RFX1: variants seen among roughly 807,000 people sequenced by gnomAD.
RFX1 encodes MHC class II regulatory factor RFX1.
RFX1 carries 42 observed loss-of-function variants against 119.6 expected under a neutral mutation model. The ratio of observed to expected loss-of-function variants is 0.35; its 90% confidence interval spans 0.27 to 0.45. RFX1 has a LOEUF of 0.45. Among genes scored for constraint, RFX1 ranks in the 20% least tolerant of loss-of-function variants. The pLI, the probability that RFX1 is intolerant of heterozygous loss-of-function variation, is 1.00. For synonymous variants in RFX1, 628 were observed against 618.5 expected, an observed-to-expected ratio of 1.02 and a Z score of -0.23; for missense variants, 1,118 against 1,368.1, an observed-to-expected ratio of 0.82 and a Z score of 2.88.
chr19:13,969,958 C>T lies in RFX1; in HGVS notation c.1496+36G>A. 6.6e-7 allele frequency: 1 copy of T among 1,514,050 alleles called. No homozygotes were observed. Among genetic ancestry groups the T allele is most frequent in the Non-Finnish European group, 8.9e-7 (1 of 1,120,784 alleles). The allele number at this position is 1,514,050 out of a possible 1,614,324, so 93.8% of individuals were successfully genotyped here. On this transcript the variant is annotated intron_variant, in intron 10 of 20. Transcript: ENST00000254325. The surrounding 1 kb of genome is among the most constrained non-coding windows in gnomAD (Gnocchi z 4.5). The stretch of plus-strand genomic sequence containing the variant: ...GTGGGCCTTGGCATGCCCACCAATT[C>T]CCCAGGGACTGCTGGGAGTAGACGG...
At position 13,965,683 on chromosome 19, in the gene RFX1, C is replaced by A; in HGVS notation, c.2056G>T (p.Val686Leu). 1 of 1,613,918 alleles carries A rather than the reference C, an allele frequency of 6.2e-7. No individual in the cohort carries two copies. The highest frequency in any genetic ancestry group is 1.6e-4 in the Middle Eastern group (1 of 6,062). Reference protein sequence around the residue: ...VLQWTKHCDNVLYQGLVEILI... With the variant: ...VLQWTKHCDNLLYQGLVEILI... ...ATTTCCACCAGGCCCTGGTACAGCACGTTGTCACAGTGCTTGGTCCATTGG... is the reference window on the plus strand; with the variant it reads ...ATTTCCACCAGGCCCTGGTACAGCAAGTTGTCACAGTGCTTGGTCCATTGG... Residue 686 changes from valine to leucine, a missense_variant, in exon 15 of 21, where the codon GTG (valine) becomes TTG (leucine). Val to Leu is a conservative substitution (Grantham distance 32, BLOSUM62 1). Coordinates refer to ENST00000254325, the MANE Select transcript of RFX1 (RefSeq NM_002918.5). This position sits in a 1 kb window ranked among gnomAD's most constrained non-coding sequence, Gnocchi z 4.7.
chr19:13,997,307 C>T (rs900087900), intron 1 of RFX1, among the ~76,000 whole-genome samples: 1 of 152,182 alleles, frequency 6.6e-6, no homozygotes, highest in African/African-American at 2.4e-5. Context: ...GAGCCCTGGA[C>T]GGGGATGGAT....
At chr19:13,967,802 C>T (rs1973952930) in intron 12 of RFX1, among the ~76,000 whole-genome samples, 1 of 152,122 alleles carries the variant, frequency 6.6e-6, no homozygotes, top group African/African-American at 2.4e-5. Context: ...ACTGGGTACA[C>T]ACCTGCCTTC....
In RFX1 at chr19:13,983,551, C is replaced by T. The variant is rs374515469; in HGVS notation, c.364G>A (p.Gly122Ser). Residue 122 changes from glycine (G) to serine (S), a missense_variant, in exon 3 of 21, where the codon GGC becomes AGC. This residue lies in a region of RFX1 where 542 missense variants were observed against 602.7 expected (regional missense o/e 0.90). Coordinates refer to ENST00000254325, the MANE Select transcript of RFX1 (RefSeq NM_002918.5). Reference sequence around the variant, plus strand: ...ACGCCGGTCTGGCTGGCGGTGGAGCCGGGGCTGGCCTCCGACACTGTCTCG... The same window carrying T: ...ACGCCGGTCTGGCTGGCGGTGGAGCTGGGGCTGGCCTCCGACACTGTCTCG... ...ASETVSEASP[G>S]STASQTGVPT... 6.1e-5 allele frequency: 99 copies of T among 1,610,982 alleles called. No homozygotes were observed. Among genetic ancestry groups the T allele is most frequent in the Admixed American group, 4.8e-4 (29 of 59,888 alleles).
chr19:13,975,792 A>C (rs1723849943), intron 8 of RFX1, among the ~76,000 whole-genome samples: 1 of 152,228 alleles, frequency 6.6e-6, no homozygotes, highest in South Asian at 2.1e-4. Flanking sequence ...ATGGAGGCCC[A>C]GGGGCTGTGG....
rs867767139 is a variant in RFX1, at chr19:13,984,250, G to A, written c.320-655C>T. ...CGCCCCCCACCCCGTCCGCCTGTCC[G>A]TCCAGGGGGGCCTGCCTGGCCCTCT... On this transcript the variant is annotated intron_variant, in intron 2 of 20. Transcript: ENST00000254325. Among the ~76,000 whole-genome samples, 63 of 109,932 alleles carry A rather than the reference G, an allele frequency of 5.7e-4. 1 individual carries two copies. In the Middle Eastern group the frequency reaches 0.03, roughly 52 times the overall value. 72.1% of individuals were successfully genotyped at this position (109,932 alleles called of 152,430 possible).
rs1370842090 is a variant in RFX1, at chr19:13,965,446, C to A, written c.2211+3G>T. 7 of 1,613,270 alleles carry A rather than the reference C, an allele frequency of 4.3e-6. No individual in the cohort carries two copies. Among genetic ancestry groups the A allele is most frequent in the Non-Finnish European group, 4.2e-6 (5 of 1,179,398 alleles). On this transcript the variant is annotated splice_donor_region_variant and intron_variant, in intron 16 of 20. Transcript: ENST00000254325. This position sits in a 1 kb window ranked among gnomAD's most constrained non-coding sequence, Gnocchi z 4.7. ...GGAGAAAGGGACCCCCTCACACTCT[C>A]ACCTTCACCCGCAGCATCTCCTCGG...
rs1208526051 is a variant in RFX1 at position 13,990,254 on chromosome 19, G to A, written c.319+3271C>T. Reference sequence around the variant, plus strand: ...CAGGGAGATGGGGAGAAGCAGCAGAGAGGACCACGGAGGGGCTGCGGGCGG... The same window carrying A: ...CAGGGAGATGGGGAGAAGCAGCAGAAAGGACCACGGAGGGGCTGCGGGCGG... On this transcript the variant is annotated intron_variant, in intron 2 of 20. Coordinates refer to ENST00000254325, the MANE Select transcript of RFX1 (RefSeq NM_002918.5). The surrounding 1 kb of genome is among the most constrained non-coding windows in gnomAD (Gnocchi z 4.1). Among the ~76,000 whole-genome samples the A allele has an allele frequency of 6.6e-6, 1 of 152,148 alleles. No homozygotes were observed. Among genetic ancestry groups the A allele is most frequent in the Non-Finnish European group, 1.5e-5 (1 of 68,042 alleles).
rs1287465181 is a variant in RFX1 at position 13,972,882 on chromosome 19, C to G, written c.1175G>C (p.Gly392Ala). ...GGGSGGGGGG[G>A]GGGGGGGSGS... ...ACTGCCACCCCCGCCACCGCCTCCCCCGCCGCCGCCGCCACCACCACTGCC... is the reference window on the plus strand; with the variant it reads ...ACTGCCACCCCCGCCACCGCCTCCCGCGCCGCCGCCGCCACCACCACTGCC... Residue 392 changes from glycine (G) to alanine (A), a missense_variant, in exon 9 of 21, where the codon GGG (glycine) becomes GCG (alanine). This residue lies in a region of RFX1 where 542 missense variants were observed against 602.7 expected (regional missense o/e 0.90). Transcript: ENST00000254325. 6.4e-7 allele frequency: 1 copy of G among 1,552,408 alleles called. No individual in the cohort carries two copies. Among genetic ancestry groups the G allele is most frequent in the Admixed American group, 1.8e-5 (1 of 54,340 alleles).
chr19:13,962,609 G>C lies in RFX1; in HGVS notation c.*86C>G, dbSNP rs979135106. ...CCCCTCCCTGCCCTGGCTGAGGCTGGAGCAGTGACCACGAAGCCACAGAAG... is the reference window on the plus strand; with the variant it reads ...CCCCTCCCTGCCCTGGCTGAGGCTGCAGCAGTGACCACGAAGCCACAGAAG... On this transcript the variant is annotated 3_prime_UTR_variant, in exon 21 of 21. Transcript: ENST00000254325. The C allele has an allele frequency of 8.6e-7, 1 of 1,164,688 alleles. No homozygotes were observed. The highest frequency in any genetic ancestry group is 1.6e-5 in the South Asian group (1 of 63,858). The allele number at this position is 1,164,688 out of a possible 1,614,324, so 72.1% of individuals were successfully genotyped here. A position where few individuals can be genotyped will look rare whatever the true frequency, so the allele number is the denominator to read the frequency against.
chr19:14,002,731 G>C (rs1292331765), intron 1 of RFX1, among the ~76,000 whole-genome samples: 3 of 152,200 alleles, frequency 2.0e-5, no homozygotes, highest in Non-Finnish European at 4.4e-5. Context: ...GGAAGCAGGT[G>C]GGAGAAAGTC....
In RFX1 at chr19:13,972,594, A is replaced by G. The variant is rs953321588; in HGVS notation, c.1314+149T>C. 4.8e-6 allele frequency: 3 copies of G among 628,350 alleles called. No individual in the cohort carries two copies. The African/African-American group carries it at 5.6e-5, about 12-fold the overall frequency. The allele number at this position is 628,350 out of a possible 1,614,324, so 38.9% of individuals were successfully genotyped here. On this transcript the variant is annotated intron_variant, in intron 9 of 20. Coordinates refer to ENST00000254325, the MANE Select transcript of RFX1 (RefSeq NM_002918.5). ...ATTTATCTGAGGCCACACAGCATTC[A>G]ATCCCAGGACATCTGCATATGTTCT... is the stretch of plus-strand genomic sequence containing the variant.
Position 13,990,762 on chromosome 19 carries a change from A to G in RFX1, c.319+2763T>C, listed in dbSNP as rs1471178237. Among the ~76,000 whole-genome samples the G allele has an allele frequency of 1.3e-5, 2 of 151,852 alleles. No homozygotes were observed. Among genetic ancestry groups the G allele is most frequent in the Non-Finnish European group, 2.9e-5 (2 of 67,972 alleles). ...AACCCCGGAGGCAGAGCTTGCAGTG[A>G]GCCGAGATCCTGCCACTGCACTCCA... is the stretch of plus-strand genomic sequence containing the variant. On this transcript the variant is annotated intron_variant, in intron 2 of 20. Transcript: ENST00000254325. The surrounding 1 kb of genome is among the most constrained non-coding windows in gnomAD (Gnocchi z 4.1).
At chr19:13,994,019 G>A in intron 1 of RFX1, 124 bp from the exon 2 acceptor site, 1 of 632,142 alleles carries the variant, frequency 1.6e-6, no homozygotes, top group Non-Finnish European at 2.7e-6. Context: ...ATGTGCTTGG[G>A]TTCATCACTA....
chr19:14,000,108 T>C (rs1975165800), intron 1 of RFX1, among the ~76,000 whole-genome samples: 1 of 152,222 alleles, frequency 6.6e-6, no homozygotes, highest in Admixed American at 6.5e-5. Context: ...TGCAGAAGAA[T>C]GGCAAAATTA....
intron 1 of RFX1, among the ~76,000 whole-genome samples, chr19:14,002,821 C>G (rs1410234373): frequency 6.6e-6 from 1 of 152,220 alleles, no homozygotes; most frequent in East Asian, 1.9e-4. Context: ...CTGGCCATCC[C>G]CTTCCCTGAG....
chr19:13,969,032 T>C lies in RFX1; in HGVS notation c.1497-138A>G. The C allele has an allele frequency of 3.1e-6, 3 of 980,588 alleles. No individual in the cohort carries two copies. Among genetic ancestry groups the C allele is most frequent in the Non-Finnish European group, 4.4e-6 (3 of 678,724 alleles). 60.7% of individuals were successfully genotyped at this position (980,588 alleles called of 1,614,324 possible). A position where few individuals can be genotyped will look rare whatever the true frequency, so the allele number is the denominator to read the frequency against. ...GCCTGCCCTGCAGAGACGGGGGTGC[T>C]GCACTGAGGAGGCACAGGGGCTGTG... On this transcript the variant is annotated intron_variant, in intron 10 of 20. Coordinates refer to ENST00000254325, the MANE Select transcript of RFX1 (RefSeq NM_002918.5). The surrounding 1 kb of genome is among the most constrained non-coding windows in gnomAD (Gnocchi z 4.5).
chr19:14,004,338 T>C (rs1316019626), intron 1 of RFX1, among the ~76,000 whole-genome samples: 1 of 152,094 alleles, frequency 6.6e-6, no homozygotes, highest in African/African-American at 2.4e-5. Flanking sequence ...TGAAACCCCG[T>C]CTCTACTAAA....
At chr19:13,978,795 T>A (rs1266222247) in intron 7 of RFX1, among the ~76,000 whole-genome samples, 1 of 152,092 alleles carries the variant, frequency 6.6e-6, no homozygotes, top group African/African-American at 2.4e-5. Context: ...CCTGGGGGAT[T>A]CTCTGGATCC....
Sources: allele counts gnomAD v4.1 joint callset (sites outside exome capture counted in the v4.1 genomes callset), GRCh38; gene constraint gnomAD v4.1.1; regional missense constraint gnomAD v4.1.1; non-coding constraint Gnocchi (gnomAD v3.1); transcripts MANE v1.5; gene names NCBI Gene and HGNC (gene_info 2026-07-23, HGNC 2026-07-21).